The following NHS variants were observed in gnomAD, a reference collection of about 807,000 sequenced individuals.
NHS encodes the protein NHS actin remodeling regulator.
In NHS, 5 loss-of-function variants were observed where a neutral mutation model predicts 72.5. The ratio of observed to expected loss-of-function variants is 0.07; its 90% CI spans 0.04 to 0.14. The LOEUF is 0.14. Ranked by LOEUF, NHS falls within the 10% of genes least tolerant of loss-of-function variation. The pLI is 1.00. For synonymous variants in NHS, 464 were observed against 547.7 expected, an observed-to-expected ratio of 0.85 and a Z score of 2.13; for missense variants, 1,072 against 1,355.7, an observed-to-expected ratio of 0.79 and a Z score of 3.29.
chrX:17,708,447 C>G (rs140893820), intron 3 of NHS, among the ~76,000 whole-genome samples: 4 of 111,755 alleles, frequency 3.6e-5, no homozygotes. Flanking sequence ...CTCATTGACT[C>G]CTTCATTTTG....
intron 1 of NHS, among the ~76,000 whole-genome samples, chrX:17,501,159 C>T (rs1342937831): frequency 9.1e-6 from 1 of 109,607 alleles, no homozygotes; most frequent in Non-Finnish European, 1.9e-5. Context: ...TCCCTGAGCC[C>T]AGGAGTTTGA....
At chrX:17,595,339 G>A (rs182203930) in intron 1 of NHS, among the ~76,000 whole-genome samples, 1 of 111,698 alleles carries the variant, frequency 9.0e-6, no homozygotes, top group African/African-American at 3.3e-5. Context: ...CTCTGTCTCA[G>A]CTGAGATTTA....
At chrX:17,381,073 G>A (rs1470121767) in intron 1 of NHS, among the ~76,000 whole-genome samples, 3 of 111,109 alleles carry the variant, frequency 2.7e-5, no homozygotes, top group Non-Finnish European at 5.7e-5. Flanking sequence ...GAGGGAACGT[G>A]AAGGCATTAA....
intron 1 of NHS, among the ~76,000 whole-genome samples, chrX:17,450,646 C>T (rs1288270159): frequency 8.9e-6 from 1 of 112,259 alleles, no homozygotes; most frequent in Non-Finnish European, 1.9e-5. Context: ...GAGGCCGAGG[C>T]AGGTGGATCA....
intron 1 of NHS, among the ~76,000 whole-genome samples, chrX:17,549,103 G>C (rs1414499266): frequency 3.1e-5 from 3 of 97,448 alleles, no homozygotes; most frequent in Middle Eastern, 5.4e-3. Context: ...AGACCTATTT[G>C]AAAAGGTTTC....
intron 1 of NHS, among the ~76,000 whole-genome samples, chrX:17,561,086 G>T (rs1382571766): frequency 8.9e-6 from 1 of 112,612 alleles, no homozygotes; most frequent in Non-Finnish European, 1.9e-5. Context: ...TTAATGTCCA[G>T]TGAGGCCTGG....
chrX:17,570,333 C>T (rs1467458789), intron 1 of NHS, among the ~76,000 whole-genome samples: 1 of 112,115 alleles, frequency 8.9e-6, no homozygotes, highest in Non-Finnish European at 1.9e-5. Context: ...TTTGTGTCCT[C>T]TTTTATTTCC....
At chrX:17,570,434 G>A (rs1023675668) in intron 1 of NHS, among the ~76,000 whole-genome samples, 3 of 111,638 alleles carry the variant, frequency 2.7e-5, no homozygotes, top group Non-Finnish European at 5.6e-5. Context: ...TATAGCAATT[G>A]TGAATGGGAA....
At chrX:17,379,573 G>GT (rs747644174) in intron 1 of NHS, among the ~76,000 whole-genome samples, 2 of 111,443 alleles carry the variant, frequency 1.8e-5, no homozygotes, top group East Asian at 5.7e-4. Context: ...TCAGGAGTTC[G>GT]AGACCAGCCT....
At chrX:17,515,708 T>A (rs1193083516) in intron 1 of NHS, among the ~76,000 whole-genome samples, 1 of 112,225 alleles carries the variant, frequency 8.9e-6, no homozygotes, top group Non-Finnish European at 1.9e-5. Context: ...ACCTGCCAGA[T>A]GCTCTTCTAA....
intron 3 of NHS, among the ~76,000 whole-genome samples, chrX:17,718,615 T>A (rs1208556424): frequency 2.1e-4 from 11 of 51,461 alleles, no homozygotes; most frequent in East Asian, 5.4e-4. Context: ...AAGGAAGAAA[T>A]TAGGAAGGAG....
chrX:17,465,143 CAGGTAAG>C (rs1171451470), intron 1 of NHS, among the ~76,000 whole-genome samples: 1 of 111,754 alleles, frequency 8.9e-6, no homozygotes, highest in Non-Finnish European at 1.9e-5. Context: ...TCTATGTCTC[CAGGTAAG>C]TCCCTTAGAG....
rs765690486 is a variant in NHS at position 17,536,547 on chromosome X, C to T, written c.566-151195C>T. Among the ~76,000 whole-genome samples, 4 of 112,484 alleles carry T rather than the reference C, an allele frequency of 3.6e-5. No individual in the cohort carries two copies. The Admixed American group carries it at 3.7e-4, about 11-fold the overall frequency. ...GGAAAAAGTACTGGAAGGGTTGCTC[C>T]TTCTGAGTCAGAGTCAGATTTGTGA... On this transcript the variant is annotated intron_variant, in intron 1 of 8. Coordinates refer to ENST00000676302, the MANE Select transcript of NHS (RefSeq NM_001291867.2).
At chrX:17,522,970 G>A (rs1302514978) in intron 1 of NHS, among the ~76,000 whole-genome samples, 2 of 111,439 alleles carry the variant, frequency 1.8e-5, no homozygotes, top group Admixed American at 9.5e-5. Context: ...GTTCTATGTT[G>A]GAGGTCAGAG....
In NHS at chrX:17,466,250, G is replaced by A. The variant is rs746516883; in HGVS notation, c.565+89928G>A. Among the ~76,000 whole-genome samples, 97 of 112,929 alleles carry A rather than the reference G, an allele frequency of 8.6e-4. No individual in the cohort carries two copies. The South Asian group carries it at 0.013, about 15-fold the overall frequency. On this transcript the variant is annotated intron_variant, in intron 1 of 8. Transcript: ENST00000676302. The stretch of plus-strand genomic sequence containing the variant: ...TAGAGATGCCATATGGAAGTGGTTG[G>A]AAAACAGATGGGGGAAGTCTGGAAA...
At chrX:17,569,743 C>T (rs1461976844) in intron 1 of NHS, among the ~76,000 whole-genome samples, 1 of 111,559 alleles carries the variant, frequency 9.0e-6, no homozygotes, top group Non-Finnish European at 1.9e-5. Flanking sequence ...AGTCCTTGCC[C>T]GTGCCTATGT....
chrX:17,457,720 C>T (rs1334198434), intron 1 of NHS, among the ~76,000 whole-genome samples: 2 of 111,645 alleles, frequency 1.8e-5, no homozygotes, highest in Non-Finnish European at 3.8e-5. Context: ...AGAAAAGGAC[C>T]CAGTGGGCTT....
chrX:17,673,238 A>ACACACACACACACAC (rs1957790832), intron 1 of NHS, among the ~76,000 whole-genome samples: 1 of 86,670 alleles, frequency 1.2e-5, no homozygotes, highest in Non-Finnish European at 2.4e-5. Flanking sequence ...ACACACACAC[A>ACACACACACACACAC]AGAAAGCTCG....
intron 3 of NHS, among the ~76,000 whole-genome samples, chrX:17,706,941 C>T (rs966222979): frequency 2.7e-5 from 3 of 111,996 alleles, no homozygotes; most frequent in African/African-American, 9.7e-5. Flanking sequence ...TATTCAATTA[C>T]AGCACTGTTT....
Sources: allele counts gnomAD v4.1 joint callset (sites outside exome capture counted in the v4.1 genomes callset), GRCh38; gene constraint gnomAD v4.1.1; transcripts MANE v1.5; gene names NCBI Gene and HGNC (gene_info 2026-07-23, HGNC 2026-07-21).